The following CNGB1 variants were observed in gnomAD, a reference collection of about 807,000 sequenced individuals.
The protein encoded by CNGB1 is cyclic nucleotide gated channel subunit beta 1, also known as cyclic nucleotide-gated channel beta-1.
CNGB1 carries 126 observed loss-of-function variants against 151.7 expected under a neutral mutation model. The observed-to-expected ratio is 0.83, with a 90% CI of 0.72 to 0.96. The LOEUF (loss-of-function observed/expected upper bound fraction) is 0.96. Among genes scored for constraint, CNGB1 ranks in the 40% least tolerant of loss-of-function variants. The pLI is 0.00. For missense variants in CNGB1, 1,698 were observed against 1,627.0 expected, an observed-to-expected ratio of 1.04 and a Z score of -0.75; for synonymous variants, 623 against 635.1, an observed-to-expected ratio of 0.98 and a Z score of 0.29.
intron 10 of CNGB1, among the ~76,000 whole-genome samples, chr16:57,959,458 A>G (rs545453991): frequency 2.0e-5 from 3 of 152,280 alleles, no homozygotes; most frequent in African/African-American, 7.2e-5. Context: ...TACTAAAAAT[A>G]CAAAAGTTAG....
chr16:57,891,218 T>C (rs1460783009), intron 31 of CNGB1, among the ~76,000 whole-genome samples: 1 of 152,216 alleles, frequency 6.6e-6, no homozygotes, highest in African/African-American at 2.4e-5. Flanking sequence ...CAGTTGAATC[T>C]CATGATTTGT....
chr16:57,934,145 A>G (rs1961440992), intron 16 of CNGB1, among the ~76,000 whole-genome samples: 1 of 150,808 alleles, frequency 6.6e-6, no homozygotes, highest in Non-Finnish European at 1.5e-5. Flanking sequence ...ATGAGCAGGA[A>G]TGGAGAAGTT....
At chr16:57,884,732 T>A (rs1364403129) in intron 32 of CNGB1, among the ~76,000 whole-genome samples, 1 of 152,064 alleles carries the variant, frequency 6.6e-6, no homozygotes. Flanking sequence ...GAAGCTGGGA[T>A]GAGGCTGTTG....
chr16:57,888,221 G>A (rs540767100), intron 31 of CNGB1, 147 bp from the exon 32 acceptor site: 34 of 799,288 alleles, frequency 4.3e-5, no homozygotes, highest in South Asian at 1.9e-4. Flanking sequence ...GCCAAGCGTC[G>A]TGTTAAGTAC....
At chr16:57,958,543 G>T in intron 10 of CNGB1, 58 bp from the exon 11 acceptor site, 1 of 1,455,238 alleles carries the variant, frequency 6.9e-7, no homozygotes, top group Non-Finnish European at 9.6e-7. Flanking sequence ...GTAAACTGAG[G>T]CTGGAGTCAG....
At chr16:57,897,376 A>T (rs1411766952) in intron 31 of CNGB1, 21 bp downstream of exon 31, 1 of 1,614,014 alleles carries the variant, frequency 6.2e-7, no homozygotes, top group Non-Finnish European at 8.5e-7. Context: ...TTTTTTATTA[A>T]ACGAAAGAAA....
chr16:57,965,340 T>A (rs77484328), intron 2 of CNGB1, among the ~76,000 whole-genome samples: 4,684 of 152,250 alleles, frequency 0.031, 148 homozygotes, highest in Non-Finnish European at 0.04. Context: ...AACACATATA[T>A]GTGCATACAG....
rs375358626 is a variant in CNGB1, at chr16:57,920,155, G to A, written c.1801+232C>T. Among the ~76,000 whole-genome samples the A allele has an allele frequency of 1.8e-3, 270 of 152,344 alleles. 1 individual carries two copies. Among genetic ancestry groups the A allele is most frequent in the African/African-American group, 6.0e-3 (250 of 41,582 alleles). On this transcript the variant is annotated intron_variant, in intron 19 of 32. Coordinates refer to ENST00000251102, the MANE Select transcript of CNGB1 (RefSeq NM_001297.5). ...GGGTCAAGGAAGGCACTTGCCCCATGGGAGAGAGGGCCGAGTGCAAGTGGA... is the reference window on the plus strand; with the variant it reads ...GGGTCAAGGAAGGCACTTGCCCCATAGGAGAGAGGGCCGAGTGCAAGTGGA...
At chr16:57,933,539 T>C (rs1246423459) in intron 16 of CNGB1, among the ~76,000 whole-genome samples, 1 of 152,054 alleles carries the variant, frequency 6.6e-6, no homozygotes, top group Non-Finnish European at 1.5e-5. Context: ...GCTCAGAGGA[T>C]ACTGAGAGGC....
At chr16:57,948,135 A>T (rs1158351576) in intron 14 of CNGB1, among the ~76,000 whole-genome samples, 1 of 152,044 alleles carries the variant, frequency 6.6e-6, no homozygotes, top group Non-Finnish European at 1.5e-5. Context: ...ACTTACTGTC[A>T]CCTGGCCCAC....
chr16:57,957,264 C>A, intron 12 of CNGB1, 77 bp downstream of exon 12: 1 of 1,410,662 alleles, frequency 7.1e-7, no homozygotes, highest in South Asian at 1.1e-5. Flanking sequence ...GCCCCCCTGC[C>A]CACATACAGT....
In CNGB1 at chr16:57,931,800, T is replaced by G; in HGVS notation, c.1451A>C (p.Asn484Thr). Reference protein sequence around the residue: ...ADSCPLMAEENPPSTVLPPPS... With the variant: ...ADSCPLMAEETPPSTVLPPPS... ...TGGCGGCAACACGGTTGAGGGTGGATTCTCTTCTGCCATGAGGGGGCAGCT... is the reference window on the plus strand; with the variant it reads ...TGGCGGCAACACGGTTGAGGGTGGAGTCTCTTCTGCCATGAGGGGGCAGCT... Residue 484 changes from asparagine to threonine, a missense_variant, in exon 17 of 33, where the codon AAT becomes ACT. Coordinates refer to ENST00000251102, the MANE Select transcript of CNGB1 (RefSeq NM_001297.5). The G allele has an allele frequency of 6.2e-7, 1 of 1,614,122 alleles. No homozygotes were observed. The highest frequency in any genetic ancestry group is 8.5e-7 in the Non-Finnish European group (1 of 1,180,024).
chr16:57,897,767 C>T (rs896334152), intron 30 of CNGB1, 29 bp downstream of exon 30: 3 of 1,607,940 alleles, frequency 1.9e-6, no homozygotes, highest in Non-Finnish European at 2.6e-6. Flanking sequence ...TTGCCCCAGG[C>T]CCCTCACTTT....
At chr16:57,910,709 T>G (rs1960687957) in intron 25 of CNGB1, among the ~76,000 whole-genome samples, 2 of 148,174 alleles carry the variant, frequency 1.3e-5, no homozygotes, top group South Asian at 4.3e-4. Flanking sequence ...AAGCAGAGAT[T>G]TTTTTAAATC....
At chr16:57,936,644 T>C (rs1015345934) in intron 16 of CNGB1, among the ~76,000 whole-genome samples, 1 of 151,808 alleles carries the variant, frequency 6.6e-6, no homozygotes, top group African/African-American at 2.4e-5. Context: ...ATACAAAAAG[T>C]AGTCAGGCGT....
At chr16:57,896,088 G>C (rs911968368) in intron 31 of CNGB1, among the ~76,000 whole-genome samples, 2 of 152,170 alleles carry the variant, frequency 1.3e-5, no homozygotes, top group Non-Finnish European at 2.9e-5. Flanking sequence ...CAATCTCTTT[G>C]TAACTATCAT....
chr16:57,939,740 C>A, intron 15 of CNGB1, 148 bp from the exon 16 acceptor site: 5 of 1,096,660 alleles, frequency 4.6e-6, no homozygotes, highest in East Asian at 4.7e-5. Context: ...GCCAGCCCAC[C>A]TTCTGGGCAT....
intron 27 of CNGB1, 75 bp downstream of exon 27, chr16:57,903,747 C>T (rs117427943): frequency 5.4e-5 from 85 of 1,561,354 alleles, no homozygotes; most frequent in Middle Eastern, 2.1e-4. Flanking sequence ...GGAGGCGCCC[C>T]GAAGGCATGG....
chr16:57,903,258 G>C (rs182276444), intron 27 of CNGB1, among the ~76,000 whole-genome samples: 1 of 148,448 alleles, frequency 6.7e-6, no homozygotes, highest in Non-Finnish European at 1.5e-5. Flanking sequence ...TTGGGAGCCC[G>C]AGGCTGGCTA....
Sources: allele counts gnomAD v4.1 joint callset (sites outside exome capture counted in the v4.1 genomes callset), GRCh38; gene constraint gnomAD v4.1.1; transcripts MANE v1.5; gene names NCBI Gene and HGNC (gene_info 2026-07-23, HGNC 2026-07-21).